The following KLF8 variants were observed in gnomAD, a reference collection of about 807,000 sequenced individuals.
KLF8 encodes the protein Krueppel-like factor 8.
A neutral mutation model predicts 18.2 loss-of-function variants in KLF8; 10 were observed. The ratio of observed to expected loss-of-function variants is 0.55; its 90% confidence interval spans 0.34 to 0.93. KLF8 has a LOEUF of 0.93. KLF8 is among the 40% of genes least tolerant of loss of function. The pLI is 0.02. For missense variants in KLF8, 264 were observed against 277.9 expected (o/e 0.95, Z 0.36); for synonymous variants, 109 against 97.3 (o/e 1.12, Z -0.71).
the KLF8 span, among the ~76,000 whole-genome samples, chrX:56,197,631 G>A: frequency 1.7e-4 from 19 of 111,749 alleles, no homozygotes; most frequent in African/African-American, 5.5e-4. Flanking sequence ...AGGACCAGAT[G>A]GATTCACAGC....
At chrX:56,034,027 G>A in the KLF8 span, among the ~76,000 whole-genome samples, 1 of 112,310 alleles carries the variant, frequency 8.9e-6, no homozygotes, top group Non-Finnish European at 1.9e-5. Flanking sequence ...GTTACAAACA[G>A]GTTTGTCTAT....
the KLF8 span, among the ~76,000 whole-genome samples, chrX:56,151,341 G>C: frequency 8.9e-6 from 1 of 111,865 alleles, no homozygotes; most frequent in African/African-American, 3.2e-5. Flanking sequence ...CTCTATAAGA[G>C]AATGGGGATG....
chrX:56,187,929 CA>C, the KLF8 span, among the ~76,000 whole-genome samples: 2 of 111,815 alleles, frequency 1.8e-5, no homozygotes, highest in African/African-American at 6.5e-5. Context: ...ACTGAATGGG[CA>C]AAAACTGGAA....
At chrX:55,980,940 C>G in the KLF8 span, among the ~76,000 whole-genome samples, 4 of 112,534 alleles carry the variant, frequency 3.6e-5, no homozygotes, top group Non-Finnish European at 7.5e-5. Flanking sequence ...CGCCTGTAAT[C>G]CCAGCACTTT....
At chrX:56,056,091 A>T in the KLF8 span, among the ~76,000 whole-genome samples, 1 of 111,435 alleles carries the variant, frequency 9.0e-6, no homozygotes, top group African/African-American at 3.3e-5. Flanking sequence ...CCTGTTCAGA[A>T]CCTTTGCTGG....
At chrX:56,189,070 A>G in the KLF8 span, among the ~76,000 whole-genome samples, 3 of 111,827 alleles carry the variant, frequency 2.7e-5, no homozygotes, top group Admixed American at 9.5e-5. Flanking sequence ...AACTACCATC[A>G]GAGTGAACAG....
the KLF8 span, among the ~76,000 whole-genome samples, chrX:56,017,853 T>C: frequency 8.9e-6 from 1 of 112,029 alleles, no homozygotes; most frequent in Non-Finnish European, 1.9e-5. Flanking sequence ...CTGACCCTAC[T>C]CCCAAATAGC....
chrX:55,945,229 G>T, the KLF8 span, among the ~76,000 whole-genome samples: 151 of 110,568 alleles, frequency 1.4e-3, 1 homozygote, highest in African/African-American at 4.5e-3. Flanking sequence ...TTTACATTTG[G>T]TGAGGAGAGC....
chrX:55,952,097 CATT>C, the KLF8 span, among the ~76,000 whole-genome samples: 1 of 111,720 alleles, frequency 9.0e-6, no homozygotes, highest in African/African-American at 3.3e-5. Context: ...ACTTTTTTGT[CATT>C]GTTGCAATTT....
the KLF8 span, among the ~76,000 whole-genome samples, chrX:55,963,135 C>G: frequency 2.7e-5 from 3 of 111,867 alleles, no homozygotes; most frequent in Non-Finnish European, 5.6e-5. Flanking sequence ...GATTTTCATT[C>G]CATTCTACTG....
chrX:56,043,047 CAT>C, the KLF8 span, among the ~76,000 whole-genome samples: 9 of 111,824 alleles, frequency 8.0e-5, no homozygotes, highest in Admixed American at 6.6e-4. Flanking sequence ...TTGTCTGAAA[CAT>C]ATCTTATTTC....
chrX:55,971,021 C>T, the KLF8 span, among the ~76,000 whole-genome samples: 2 of 111,096 alleles, frequency 1.8e-5, no homozygotes, highest in Non-Finnish European at 3.8e-5. Flanking sequence ...GCAATCTCTA[C>T]GAAAATGCTA....
At chrX:56,176,297 G>A in the KLF8 span, among the ~76,000 whole-genome samples, 16 of 111,757 alleles carry the variant, frequency 1.4e-4, no homozygotes, top group Middle Eastern at 4.6e-3. Context: ...GGGCAGGCCC[G>A]GTGGTGACAA....
chrX:56,127,432 G>A, the KLF8 span, among the ~76,000 whole-genome samples: 1 of 111,042 alleles, frequency 9.0e-6, no homozygotes, highest in Non-Finnish European at 1.9e-5. Flanking sequence ...AATTTGAGGT[G>A]GGAGGATTCC....
At chrX:55,908,808 C>G in the KLF8 span, 1 of 247,746 alleles carries the variant, frequency 4.0e-6, no homozygotes. Flanking sequence ...AAAGTAAGTT[C>G]CTTTTATTTT....
chrX:56,075,943 A>C, the KLF8 span, among the ~76,000 whole-genome samples: 51 of 109,568 alleles, frequency 4.7e-4, 1 homozygote, highest in Middle Eastern at 9.3e-3. Flanking sequence ...TGTTTCCAAA[A>C]TTTTTTTTAT....
the KLF8 span, among the ~76,000 whole-genome samples, chrX:56,077,675 G>C: frequency 9.0e-6 from 1 of 111,702 alleles, no homozygotes; most frequent in East Asian, 2.8e-4. Flanking sequence ...CCAATTCTGT[G>C]AAGAAAGTCA....
chrX:56,231,083 G>C (rs1042229145), upstream of KLF8, among the ~76,000 whole-genome samples: 2 of 111,828 alleles, frequency 1.8e-5, no homozygotes, highest in African/African-American at 6.5e-5. Context: ...GAATTCCCAG[G>C]GATTTGTAAT....
chrX:56,079,428 C>T, the KLF8 span, among the ~76,000 whole-genome samples: 1 of 111,590 alleles, frequency 9.0e-6, no homozygotes, highest in African/African-American at 3.3e-5. Flanking sequence ...GCAGGTTGTT[C>T]AGTTCCCATG....
Sources: allele counts gnomAD v4.1 joint callset (sites outside exome capture counted in the v4.1 genomes callset), GRCh38; gene constraint gnomAD v4.1.1; transcripts MANE v1.5; gene names NCBI Gene and HGNC (gene_info 2026-07-23, HGNC 2026-07-21).